MGAT4C: variants seen among roughly 807,000 people sequenced by gnomAD.
MGAT4C encodes MGAT4 family member C, also known as alpha-1,3-mannosyl-glycoprotein 4-beta-N-acetylglucosaminyltransferase C.
Under a neutral mutation model 40.1 loss-of-function variants are expected in MGAT4C, and 19 were observed. That is an observed-to-expected ratio of 0.47 (90% confidence interval 0.33 to 0.70). The LOEUF is 0.70. Among genes scored for constraint, MGAT4C ranks in the 30% least tolerant of loss-of-function variants. MGAT4C has a pLI of 0.02. For missense variants in MGAT4C, 491 were observed against 563.2 expected (o/e 0.87, Z 1.30); for synonymous variants, 181 against 187.1 (o/e 0.97, Z 0.27).
At chr12:86,764,694 C>A (rs976091221) in intron 1 of MGAT4C, among the ~76,000 whole-genome samples, 1 of 152,042 alleles carries the variant, frequency 6.6e-6, no homozygotes, top group Non-Finnish European at 1.5e-5. Context: ...CAGACAGCAG[C>A]ATTCGCAGTT....
At chr12:86,028,959 C>G (rs1890489310) in intron 2 of MGAT4C, among the ~76,000 whole-genome samples, 1 of 151,852 alleles carries the variant, frequency 6.6e-6, no homozygotes, top group Non-Finnish European at 1.5e-5. Flanking sequence ...GTAGTATGCA[C>G]TGTCTTCTCT....
At chr12:86,820,857 A>T (rs1048997472) in intron 1 of MGAT4C, among the ~76,000 whole-genome samples, 2 of 150,914 alleles carry the variant, frequency 1.3e-5, no homozygotes, top group Non-Finnish European at 3.0e-5. Flanking sequence ...TTAAATACTT[A>T]TCTTACATGT....
chr12:86,067,136 A>T (rs1437636437), intron 1 of MGAT4C, among the ~76,000 whole-genome samples: 1 of 152,152 alleles, frequency 6.6e-6, no homozygotes, highest in Non-Finnish European at 1.5e-5. Context: ...CAGCCATTGT[A>T]GAAGACAGTG....
intron 2 of MGAT4C, among the ~76,000 whole-genome samples, chr12:86,694,469 C>T (rs543166287): frequency 6.6e-6 from 1 of 152,122 alleles, no homozygotes; most frequent in South Asian, 2.1e-4. Flanking sequence ...TATTAGAGTA[C>T]AGGAATTGAA....
intron 1 of MGAT4C, among the ~76,000 whole-genome samples, chr12:86,060,339 T>C (rs1893819105): frequency 6.6e-6 from 1 of 152,250 alleles, no homozygotes; most frequent in Admixed American, 6.5e-5. Flanking sequence ...AAGCAACTTT[T>C]ACAATTGTTT....
At chr12:86,131,159 C>A (rs578213938) in intron 1 of MGAT4C, among the ~76,000 whole-genome samples, 2 of 152,020 alleles carry the variant, frequency 1.3e-5, no homozygotes, top group Non-Finnish European at 2.9e-5. Flanking sequence ...TTTATTCTCT[C>A]TGAACCTCAG....
intron 1 of MGAT4C, among the ~76,000 whole-genome samples, chr12:86,827,179 A>G (rs562038619): frequency 2.6e-5 from 4 of 151,574 alleles, no homozygotes; most frequent in Non-Finnish European, 5.9e-5. Context: ...TGAACCAAGT[A>G]AAGGCTGGCC....
intron 2 of MGAT4C, among the ~76,000 whole-genome samples, chr12:86,569,409 T>C (rs10466943): frequency 0.85 from 129,124 of 151,976 alleles, 55,416 homozygotes; most frequent in East Asian, 0.96. Flanking sequence ...AAATTGTCAA[T>C]GGGTATATTT....
chr12:86,038,182 A>C lies in MGAT4C; in HGVS notation c.-7+11492T>G, dbSNP rs148884781. 5.5e-4 allele frequency among the ~76,000 whole-genome samples: 82 copies of C among 149,920 alleles called. 1 individual carries two copies. The highest frequency in any genetic ancestry group is 1.9e-3 in the African/African-American group (80 of 41,348). ...TGTGATGGTTTAGCATTTCCTTTGA[A>C]GCATATGGGACATATTCTGCTAGTT... On this transcript the variant is annotated intron_variant, in intron 2 of 4. Transcript: ENST00000611864.
chr12:86,826,209 A>C (rs573543873), intron 1 of MGAT4C, among the ~76,000 whole-genome samples: 1 of 151,426 alleles, frequency 6.6e-6, no homozygotes, highest in African/African-American at 2.4e-5. Flanking sequence ...TAAGCCATTC[A>C]TCGCTATCGA....
intron 2 of MGAT4C, among the ~76,000 whole-genome samples, chr12:86,678,479 G>A (rs888563024): frequency 3.3e-5 from 5 of 151,214 alleles, no homozygotes; most frequent in African/African-American, 1.2e-4. Flanking sequence ...TGCACAATGT[G>A]CAGGTTAGTT....
intron 1 of MGAT4C, among the ~76,000 whole-genome samples, chr12:86,140,168 A>AAG (rs1882632804): frequency 6.6e-6 from 1 of 152,160 alleles, no homozygotes; most frequent in African/African-American, 2.4e-5. Context: ...TCCTCTGATT[A>AAG]ACTTTTCTCC....
At chr12:86,400,151 AG>A (rs1444167192) in intron 3 of MGAT4C, among the ~76,000 whole-genome samples, 1 of 152,138 alleles carries the variant, frequency 6.6e-6, no homozygotes, top group Non-Finnish European at 1.5e-5. Flanking sequence ...TTAGTAGGTG[AG>A]GGCGAAACTC....
intron 1 of MGAT4C, among the ~76,000 whole-genome samples, chr12:86,756,038 T>G (rs1304862792): frequency 6.6e-6 from 1 of 151,988 alleles, no homozygotes; most frequent in Non-Finnish European, 1.5e-5. Context: ...TTAAATGTTT[T>G]ATTTCATCTT....
intron 2 of MGAT4C, among the ~76,000 whole-genome samples, chr12:86,555,810 C>A (rs901929679): frequency 6.6e-6 from 1 of 152,150 alleles, no homozygotes; most frequent in African/African-American, 2.4e-5. Context: ...GAGCTTGGGG[C>A]CTTCGCAGCC....
chr12:86,356,679 G>A (rs1336898282), intron 3 of MGAT4C, among the ~76,000 whole-genome samples: 6 of 152,084 alleles, frequency 3.9e-5, no homozygotes, highest in Admixed American at 2.6e-4. Flanking sequence ...ATTATATCCC[G>A]CGTCTGGCTC....
chr12:86,131,054 A>G (rs528563886), intron 1 of MGAT4C, among the ~76,000 whole-genome samples: 1 of 152,212 alleles, frequency 6.6e-6, no homozygotes, highest in South Asian at 2.1e-4. Flanking sequence ...TAGTGAAAAC[A>G]TCTCTCAAGT....
At chr12:86,325,267 T>A (rs914815973) in intron 4 of MGAT4C, among the ~76,000 whole-genome samples, 22 of 152,194 alleles carry the variant, frequency 1.4e-4, no homozygotes, top group Non-Finnish European at 2.5e-4. Flanking sequence ...TGTAAACATG[T>A]ATTGATATTT....
intron 2 of MGAT4C, among the ~76,000 whole-genome samples, chr12:86,038,564 A>ATTTATTTATTTATTTT: frequency 6.8e-6 from 1 of 146,506 alleles, no homozygotes; most frequent in African/African-American, 2.5e-5. Flanking sequence ...TTATTTATTT[A>ATTTATTTATTTATTTT]TTTTTTTGCT....
Sources: allele counts gnomAD v4.1 joint callset (sites outside exome capture counted in the v4.1 genomes callset), GRCh38; gene constraint gnomAD v4.1.1; transcripts MANE v1.5; gene names NCBI Gene and HGNC (gene_info 2026-07-23, HGNC 2026-07-21).